PACRG: variants seen among roughly 807,000 people sequenced by gnomAD.
PACRG encodes parkin coregulated gene protein.
Under a neutral mutation model 29.7 loss-of-function variants are expected in PACRG, and 29 were observed. That is an observed-to-expected ratio of 0.98 (90% CI 0.73 to 1.33). PACRG has a LOEUF of 1.33. Ranked by LOEUF, PACRG falls within the 40% of genes most tolerant of loss-of-function variation. The pLI is 0.00. For missense variants in PACRG, 279 were observed against 316.2 expected (o/e 0.88, Z 0.89); for synonymous variants, 116 against 118.7 (o/e 0.98, Z 0.15).
At chr6:163,000,632 G>A (rs1029725118) in intron 2 of PACRG, among the ~76,000 whole-genome samples, 3 of 152,086 alleles carry the variant, frequency 2.0e-5, no homozygotes, top group East Asian at 1.9e-4. Flanking sequence ...TGGGTACATC[G>A]CAGGGTGCCA....
intron 2 of PACRG, among the ~76,000 whole-genome samples, chr6:163,047,088 A>C (rs1241205555): frequency 1.3e-5 from 2 of 152,172 alleles, no homozygotes; most frequent in African/African-American, 4.8e-5. Context: ...ATTCAAGGAG[A>C]GTTTTTGTAA....
At chr6:163,101,322 G>A in intron 4 of PACRG, 1 of 982,404 alleles carries the variant, frequency 1.0e-6, no homozygotes, top group South Asian at 4.7e-5. Context: ...TTTAAGCTTT[G>A]TGTTTGACCT....
At chr6:163,148,966 G>C (rs1040996103) in intron 4 of PACRG, among the ~76,000 whole-genome samples, 18 of 67,416 alleles carry the variant, frequency 2.7e-4, no homozygotes, top group Non-Finnish European at 4.7e-4. Context: ...TATGGCGGGG[G>C]GGGGGGGGGG....
intron 2 of PACRG, among the ~76,000 whole-genome samples, chr6:163,021,284 T>G (rs952886233): frequency 6.6e-6 from 1 of 152,218 alleles, no homozygotes; most frequent in African/African-American, 2.4e-5. Flanking sequence ...CTCTCCCATG[T>G]TGGCCCCCAT....
At chr6:162,786,451 G>A (rs1784474533) in intron 1 of PACRG, among the ~76,000 whole-genome samples, 1 of 152,226 alleles carries the variant, frequency 6.6e-6, no homozygotes, top group African/African-American at 2.4e-5. Context: ...AATAGAACAT[G>A]TGTGGAATTA....
At chr6:162,914,381 C>A (rs141612905) in intron 2 of PACRG, among the ~76,000 whole-genome samples, 1 of 151,974 alleles carries the variant, frequency 6.6e-6, no homozygotes, top group Non-Finnish European at 1.5e-5. Context: ...ATAGAATAGA[C>A]GGTCCAGAAG....
intron 4 of PACRG, among the ~76,000 whole-genome samples, chr6:163,164,764 T>G (rs1210949800): frequency 6.6e-6 from 1 of 152,126 alleles, no homozygotes; most frequent in Non-Finnish European, 1.5e-5. Flanking sequence ...GGCCACATGG[T>G]TTAGAGACAG....
intron 2 of PACRG, among the ~76,000 whole-genome samples, chr6:163,018,892 C>G (rs990011931): frequency 6.6e-6 from 1 of 152,140 alleles, no homozygotes; most frequent in Non-Finnish European, 1.5e-5. Context: ...CTTCATCACT[C>G]TTTTGATTTT....
chr6:162,759,925 T>C lies in PACRG; in HGVS notation c.156+31534T>C, dbSNP rs183840845. 6.9e-4 allele frequency among the ~76,000 whole-genome samples: 105 copies of C among 152,288 alleles called. No individual in the cohort carries two copies. The East Asian group carries it at 0.01, about 15-fold the overall frequency. ...CCAGAAATAGAGCCTGAAGCAGGAA[T>C]TGTGTGCATAGATTTGTGCAAGGAG... On this transcript the variant is annotated intron_variant, in intron 1 of 4. Coordinates refer to ENST00000366888, the MANE Select transcript of PACRG (RefSeq NM_001080379.2).
intron 4 of PACRG, among the ~76,000 whole-genome samples, chr6:163,150,213 G>A (rs376045177): frequency 6.6e-6 from 1 of 152,196 alleles, no homozygotes; most frequent in African/African-American, 2.4e-5. Flanking sequence ...TCTATGCAAA[G>A]GGGGAGTGAT....
intron 2 of PACRG, among the ~76,000 whole-genome samples, chr6:163,023,226 T>C (rs905949226): frequency 6.6e-6 from 1 of 152,024 alleles, no homozygotes; most frequent in African/African-American, 2.4e-5. Context: ...CCCACCCCCC[T>C]CCTTCCACCC....
intron 2 of PACRG, among the ~76,000 whole-genome samples, chr6:162,882,642 G>C (rs917088528): frequency 6.6e-6 from 1 of 152,084 alleles, no homozygotes; most frequent in Non-Finnish European, 1.5e-5. Flanking sequence ...AGGCAAGCTG[G>C]GTTCTGATGA....
At chr6:163,138,439 G>A (rs980288933) in intron 4 of PACRG, among the ~76,000 whole-genome samples, 1 of 152,120 alleles carries the variant, frequency 6.6e-6, no homozygotes, top group African/African-American at 2.4e-5. Flanking sequence ...TTGGCACCAG[G>A]GACCAGTTTC....
upstream of PACRG, chr6:162,727,723 C>G (rs1249491775): frequency 6.5e-7 from 1 of 1,535,970 alleles, no homozygotes; most frequent in East Asian, 2.5e-5. Flanking sequence ...CGCGCAGCGG[C>G]GCCAGCCGCG....
chr6:163,104,720 G>A (rs1383065121), intron 4 of PACRG, among the ~76,000 whole-genome samples: 2 of 152,020 alleles, frequency 1.3e-5, no homozygotes, highest in African/African-American at 4.8e-5. Flanking sequence ...GTAATCCTTT[G>A]GTAAAAGACC....
chr6:163,061,412 T>C lies in PACRG; in HGVS notation c.292-738T>C, dbSNP rs536770074. On this transcript the variant is annotated intron_variant, in intron 2 of 4. Coordinates refer to ENST00000366888, the MANE Select transcript of PACRG (RefSeq NM_001080379.2). ...GTTCCCATTCCCTGGTGCTGCTGGA[T>C]GCTACTGCCAAGGTCTGGACAGGGG... is the stretch of plus-strand genomic sequence containing the variant. 5.9e-5 allele frequency among the ~76,000 whole-genome samples: 9 copies of C among 152,280 alleles called. No individual in the cohort carries two copies. The South Asian group carries it at 1.9e-3, about 32-fold the overall frequency.
intron 1 of PACRG, among the ~76,000 whole-genome samples, chr6:162,800,240 G>T (rs1039830622): frequency 2.0e-5 from 3 of 152,128 alleles, no homozygotes; most frequent in Non-Finnish European, 2.9e-5. Context: ...TAACTGTCAA[G>T]AATTTTTTTA....
At chr6:163,197,315 C>G (rs1780500024) in intron 4 of PACRG, among the ~76,000 whole-genome samples, 1 of 151,728 alleles carries the variant, frequency 6.6e-6, no homozygotes, top group Non-Finnish European at 1.5e-5. Context: ...TCACCTTTAG[C>G]TATAAAGGAA....
At chr6:163,308,717 GA>G (rs1785288521) in intron 4 of PACRG, among the ~76,000 whole-genome samples, 1 of 151,552 alleles carries the variant, frequency 6.6e-6, no homozygotes, top group Non-Finnish European at 1.5e-5. Flanking sequence ...GAGAATCTGT[GA>G]TGGCTTAGTG....
Sources: allele counts gnomAD v4.1 joint callset (sites outside exome capture counted in the v4.1 genomes callset), GRCh38; gene constraint gnomAD v4.1.1; transcripts MANE v1.5; gene names NCBI Gene and HGNC (gene_info 2026-07-23, HGNC 2026-07-21).